AFF1: variants seen among roughly 807,000 people sequenced by gnomAD.
AFF1 encodes the protein ALF transcription elongation factor 1.
In AFF1, 48 loss-of-function variants were observed where a neutral mutation model predicts 121.7. The ratio of observed to expected loss-of-function variants is 0.39; its 90% confidence interval spans 0.31 to 0.50. AFF1 has a LOEUF of 0.50. AFF1 is among the 20% of genes least tolerant of loss of function. AFF1 has a pLI of 0.76. For synonymous variants in AFF1, 613 were observed against 563.0 expected (o/e 1.09, Z -1.26); for missense variants, 1,523 against 1,511.7 (o/e 1.01, Z -0.12).
intron 2 of AFF1, among the ~76,000 whole-genome samples, chr4:86,984,311 T>TC (rs1285490929): frequency 1.3e-5 from 2 of 151,710 alleles, no homozygotes; most frequent in Non-Finnish European, 2.9e-5. Flanking sequence ...CTTTTTTTTT[T>TC]CCAAGTGACA....
intron 19 of AFF1, 129 bp from the exon 20 acceptor site, chr4:87,134,342 T>C (rs746526385): frequency 1.2e-6 from 1 of 839,486 alleles, no homozygotes; most frequent in Non-Finnish European, 1.9e-6. Context: ...ACTTTAGCAG[T>C]GGTTATCATT....
chr4:87,016,806 A>G (rs1360117550), intron 2 of AFF1, among the ~76,000 whole-genome samples: 1 of 152,124 alleles, frequency 6.6e-6, no homozygotes, highest in African/African-American at 2.4e-5. Context: ...GGAATCATAA[A>G]TGGAGTATGA....
chr4:87,125,187 ACTT>A (rs1324014780), intron 13 of AFF1, 44 bp downstream of exon 13: 1 of 1,460,850 alleles, frequency 6.8e-7, no homozygotes, highest in Admixed American at 2.1e-5. Flanking sequence ...GGTGATCAAC[ACTT>A]CTTGGGTCTT....
At position 87,138,650 on chromosome 4, in the gene AFF1, A is replaced by ATTT; in HGVS notation, c.*2951_*2952insTTT. The ATTT allele has an allele frequency of 6.0e-6, 1 of 167,590 alleles. No homozygotes were observed. Among genetic ancestry groups the ATTT allele is most frequent in the Middle Eastern group, 1.6e-3 (1 of 632 alleles). The allele number at this position is 167,590 out of a possible 1,614,324, so 10.4% of individuals were successfully genotyped here. A position where few individuals can be genotyped will look rare whatever the true frequency, so the allele number is the denominator to read the frequency against. On this transcript the variant is annotated 3_prime_UTR_variant, in exon 21 of 21. Coordinates refer to ENST00000395146, the MANE Select transcript of AFF1 (RefSeq NM_001166693.3). ...AAAACACTTTACTAAAATTTATCAAATTATACTGGGTTCGGATTGTGAAAA... is the reference window on the plus strand; with the variant it reads ...AAAACACTTTACTAAAATTTATCAAATTTTTATACTGGGTTCGGATTGTGAAAA...
chr4:87,082,157 A>AT (rs1272799830), intron 4 of AFF1, among the ~76,000 whole-genome samples: 1 of 152,008 alleles, frequency 6.6e-6, no homozygotes, highest in African/African-American at 2.4e-5. Context: ...TGAGGGGAAT[A>AT]TTTTTTCCAG....
At chr4:87,134,956 T>G (rs1729176757) in intron 20 of AFF1, among the ~76,000 whole-genome samples, 1 of 152,252 alleles carries the variant, frequency 6.6e-6, no homozygotes, top group Non-Finnish European at 1.5e-5. Context: ...TCTGAAGCTC[T>G]GCTGTCATTA....
At chr4:86,938,201 A>T (rs977761459) in intron 1 of AFF1, among the ~76,000 whole-genome samples, 1 of 152,110 alleles carries the variant, frequency 6.6e-6, no homozygotes, top group African/African-American at 2.4e-5. Context: ...TGTAATCCCA[A>T]CACTTTGGGA....
At chr4:86,953,741 T>A (rs575036071) in intron 2 of AFF1, among the ~76,000 whole-genome samples, 1 of 152,044 alleles carries the variant, frequency 6.6e-6, no homozygotes, top group South Asian at 2.1e-4. Context: ...TTTTTTGAGA[T>A]GGAGTTTTGC....
intron 2 of AFF1, among the ~76,000 whole-genome samples, chr4:86,982,388 CTTTTTTTTTTT>C (rs70953632): frequency 2.2e-4 from 13 of 58,592 alleles, no homozygotes; most frequent in Non-Finnish European, 2.8e-4. Context: ...AAAAAATTGG[CTTTTTTTTTTT>C]TTTTTTTTTT....
intron 4 of AFF1, among the ~76,000 whole-genome samples, chr4:87,059,245 T>C (rs1720480270): frequency 6.6e-6 from 1 of 152,222 alleles, no homozygotes; most frequent in African/African-American, 2.4e-5. Flanking sequence ...ACTTTTCTAG[T>C]AGGTGTTGCA....
At chr4:87,057,675 TGAAATGTACTTTA>T (rs1209409225) in intron 4 of AFF1, among the ~76,000 whole-genome samples, 3 of 152,212 alleles carry the variant, frequency 2.0e-5, no homozygotes, top group South Asian at 2.1e-4. Context: ...TATTGTTTAT[TGAAATGTACTTTA>T]GAAATGAAGT....
chr4:86,977,969 G>A (rs1353225088), intron 2 of AFF1, among the ~76,000 whole-genome samples: 1 of 152,058 alleles, frequency 6.6e-6, no homozygotes, highest in Non-Finnish European at 1.5e-5. Flanking sequence ...CGTGTACTCT[G>A]CCCTGGGTTG....
At chr4:86,963,426 G>A (rs1020679850) in intron 2 of AFF1, among the ~76,000 whole-genome samples, 1 of 152,150 alleles carries the variant, frequency 6.6e-6, no homozygotes, top group Admixed American at 6.6e-5. Context: ...CTGGTACCAT[G>A]GGGGAGGGAA....
intron 2 of AFF1, chr4:87,020,807 A>G (rs961209798): frequency 1.0e-5 from 10 of 985,276 alleles, no homozygotes; most frequent in Admixed American, 6.2e-5. Context: ...ATGCACAGGT[A>G]GTCATCATTG....
intron 15 of AFF1, 92 bp from the exon 16 acceptor site, chr4:87,127,551 C>A: frequency 8.5e-7 from 1 of 1,172,462 alleles, no homozygotes; most frequent in Non-Finnish European, 1.3e-6. Context: ...CCCTTGCTGT[C>A]CTCCCATCCT....
intron 2 of AFF1, among the ~76,000 whole-genome samples, chr4:86,954,604 CAG>C (rs998811328): frequency 6.6e-5 from 10 of 152,056 alleles, no homozygotes; most frequent in South Asian, 2.1e-4. Context: ...CAGCTACTGA[CAG>C]GGGTCCAGGT....
intron 11 of AFF1, among the ~76,000 whole-genome samples, chr4:87,113,342 T>C (rs966251743): frequency 6.6e-6 from 1 of 152,092 alleles, no homozygotes; most frequent in Non-Finnish European, 1.5e-5. Context: ...GGAGTGCACA[T>C]GGCTCACCGC....
intron 11 of AFF1, among the ~76,000 whole-genome samples, chr4:87,111,767 C>A (rs921108661): frequency 3.2e-4 from 48 of 152,174 alleles, no homozygotes; most frequent in African/African-American, 1.1e-3. Context: ...CAGGATTGCC[C>A]CTACCTGTTC....
At chr4:87,058,147 G>A (rs777518644) in intron 4 of AFF1, among the ~76,000 whole-genome samples, 17 of 152,156 alleles carry the variant, frequency 1.1e-4, no homozygotes, top group African/African-American at 2.4e-4. Context: ...TTTACATGCC[G>A]TGGAACTGAG....
Sources: allele counts gnomAD v4.1 joint callset (sites outside exome capture counted in the v4.1 genomes callset), GRCh38; gene constraint gnomAD v4.1.1; transcripts MANE v1.5; gene names NCBI Gene and HGNC (gene_info 2026-07-23, HGNC 2026-07-21).